Variants in CHN2 observed in about 807,000 individuals in gnomAD.
CHN2 encodes the protein beta-chimaerin.
A neutral mutation model predicts 56.3 loss-of-function variants in CHN2; 35 were observed. That is an observed-to-expected ratio of 0.62 (90% CI 0.47 to 0.82). The LOEUF (loss-of-function observed/expected upper bound fraction) is 0.82, where lower values mean the gene tolerates loss of function less well. Among genes scored for constraint, CHN2 ranks in the 40% least tolerant of loss-of-function variants. The pLI is 0.00. For synonymous variants in CHN2, 210 were observed against 212.8 expected (o/e 0.99, Z 0.12); for missense variants, 491 against 580.5 (o/e 0.85, Z 1.58).
At chr7:29,346,411 C>T (rs972216825) in intron 1 of CHN2, among the ~76,000 whole-genome samples, 1 of 152,214 alleles carries the variant, frequency 6.6e-6, no homozygotes, top group Non-Finnish European at 1.5e-5. Flanking sequence ...GTCATCTCAT[C>T]GTGAGGCTGT....
In CHN2 at chr7:29,486,077, C is replaced by G. The variant is rs75091960; in HGVS notation, c.654+5721C>G. On this transcript the variant is annotated intron_variant, in intron 7 of 12. Coordinates refer to ENST00000222792, the MANE Select transcript of CHN2 (RefSeq NM_004067.4). ...CCCTTTTCTCCCTAGCGCTGATCAC[C>G]AGCTGACATCGTACATATTTATGTG... Among the ~76,000 whole-genome samples the G allele has an allele frequency of 6.8e-3, 1,035 of 152,248 alleles. 13 individuals are homozygous for G. Among genetic ancestry groups the G allele is most frequent in the African/African-American group, 0.024 (991 of 41,546 alleles).
At chr7:29,277,665 C>A (rs1303475909) in intron 1 of CHN2, among the ~76,000 whole-genome samples, 2 of 152,196 alleles carry the variant, frequency 1.3e-5, no homozygotes, top group Non-Finnish European at 2.9e-5. Flanking sequence ...CCTGCCCACA[C>A]CTGTTGGCTG....
intron 8 of CHN2, among the ~76,000 whole-genome samples, chr7:29,497,505 A>G (rs1268149536): frequency 6.6e-6 from 1 of 151,610 alleles, no homozygotes; most frequent in African/African-American, 2.4e-5. Context: ...TTTTTTTTAA[A>G]TAAGACATTT....
At chr7:29,349,919 C>A (rs1797749216) in intron 1 of CHN2, among the ~76,000 whole-genome samples, 1 of 152,204 alleles carries the variant, frequency 6.6e-6, no homozygotes, top group African/African-American at 2.4e-5. Flanking sequence ...CATCTTGTCA[C>A]TATTTCCAGT....
chr7:29,366,297 T>G (rs537172967), intron 2 of CHN2, among the ~76,000 whole-genome samples: 3 of 151,972 alleles, frequency 2.0e-5, no homozygotes, highest in Non-Finnish European at 2.9e-5. Flanking sequence ...AGAAAGAGAA[T>G]GCGACCTGAA....
intron 6 of CHN2, among the ~76,000 whole-genome samples, chr7:29,467,209 T>A (rs977518082): frequency 2.0e-5 from 3 of 152,234 alleles, no homozygotes; most frequent in African/African-American, 7.2e-5. Flanking sequence ...GGATAGATTC[T>A]TAGAAATTGA....
At chr7:29,497,491 GT>G (rs973699555) in intron 8 of CHN2, among the ~76,000 whole-genome samples, 32 of 143,532 alleles carry the variant, frequency 2.2e-4, no homozygotes, top group Admixed American at 2.1e-4. Flanking sequence ...TTCTGGTTTT[GT>G]TTTTTTTTTT....
chr7:29,481,285 T>C (rs1018633054), intron 7 of CHN2, among the ~76,000 whole-genome samples: 1 of 152,214 alleles, frequency 6.6e-6, no homozygotes, highest in Admixed American at 6.5e-5. Context: ...TTGCTTTCTT[T>C]TAAAAAAATT....
At chr7:29,475,221 C>T (rs548727297) in intron 6 of CHN2, among the ~76,000 whole-genome samples, 5 of 152,230 alleles carry the variant, frequency 3.3e-5, no homozygotes, top group African/African-American at 1.2e-4. Context: ...AGAATCCCAA[C>T]CTTTATTCAT....
chr7:29,378,427 T>C (rs1800235243), intron 3 of CHN2, among the ~76,000 whole-genome samples: 1 of 152,222 alleles, frequency 6.6e-6, no homozygotes, highest in Non-Finnish European at 1.5e-5. Flanking sequence ...TGGACTCTCA[T>C]GCTTTTTCGT....
chr7:29,311,301 G>A (rs957267424), intron 1 of CHN2, among the ~76,000 whole-genome samples: 4 of 152,158 alleles, frequency 2.6e-5, no homozygotes, highest in Non-Finnish European at 2.9e-5. Flanking sequence ...CAAGGGCCAC[G>A]TGTTCTCTTG....
chr7:29,233,325 GTCT>G (rs1300671363), intron 1 of CHN2, among the ~76,000 whole-genome samples: 3 of 152,206 alleles, frequency 2.0e-5, no homozygotes, highest in African/African-American at 7.2e-5. Context: ...GGCAGCTATT[GTCT>G]TCATCTTTTA....
chr7:29,455,540 G>T (rs1784687457), intron 6 of CHN2, among the ~76,000 whole-genome samples: 2 of 152,148 alleles, frequency 1.3e-5, no homozygotes, highest in Non-Finnish European at 2.9e-5. Flanking sequence ...CCCCACCACT[G>T]CAGGAACTGT....
chr7:29,434,168 G>A (rs934439009), intron 6 of CHN2, among the ~76,000 whole-genome samples: 2 of 152,108 alleles, frequency 1.3e-5, no homozygotes, highest in Admixed American at 6.5e-5. Flanking sequence ...ACTTTCTTTT[G>A]TAAGTATCTG....
chr7:29,473,990 A>G (rs932777529), intron 6 of CHN2, among the ~76,000 whole-genome samples: 45 of 152,234 alleles, frequency 3.0e-4, no homozygotes, highest in African/African-American at 8.4e-4. Context: ...TGCAAAGAAT[A>G]TAGAAGAAAA....
At chr7:29,506,421 T>G (rs927954644) in intron 10 of CHN2, among the ~76,000 whole-genome samples, 1 of 152,086 alleles carries the variant, frequency 6.6e-6, no homozygotes, top group South Asian at 2.1e-4. Flanking sequence ...GTGGATCACT[T>G]GAGGTAGGAG....
intron 2 of CHN2, among the ~76,000 whole-genome samples, chr7:29,165,949 G>GTAGA (rs1795853120): frequency 1.3e-5 from 2 of 152,136 alleles, no homozygotes; most frequent in Admixed American, 6.5e-5. Context: ...GACATGATTT[G>GTAGA]TAGATTTTCT....
intron 1 of CHN2, among the ~76,000 whole-genome samples, chr7:29,329,694 T>A (rs1796073482): frequency 6.6e-6 from 1 of 152,188 alleles, no homozygotes; most frequent in Non-Finnish European, 1.5e-5. Context: ...AGAAACAGAT[T>A]AAGAAATAAG....
chr7:29,419,888 C>T (rs886121446), intron 6 of CHN2, among the ~76,000 whole-genome samples: 13 of 151,872 alleles, frequency 8.6e-5, no homozygotes, highest in Admixed American at 5.2e-4. Context: ...GGTGAAACCC[C>T]GTCTCTACTA....
Sources: allele counts gnomAD v4.1 joint callset (sites outside exome capture counted in the v4.1 genomes callset), GRCh38; gene constraint gnomAD v4.1.1; transcripts MANE v1.5; gene names NCBI Gene and HGNC (gene_info 2026-07-23, HGNC 2026-07-21).